Variants in CLDN14 observed in about 807,000 individuals in gnomAD.
CLDN14 encodes claudin 14, also known as claudin-14.
Under a neutral mutation model 2.1 loss-of-function variants are expected in CLDN14, and 2 were observed. The observed-to-expected ratio is 0.96, with a 90% confidence interval of 0.39 to 3.01. The LOEUF (loss-of-function observed/expected upper bound fraction) is 3.01. Ranked by LOEUF, CLDN14 falls within the 30% of genes most tolerant of loss-of-function variation. CLDN14 has a pLI of 0.09. For missense variants in CLDN14, 298 were observed against 328.0 expected, an observed-to-expected ratio of 0.91 and a Z score of 0.71; for synonymous variants, 136 against 154.4, an observed-to-expected ratio of 0.88 and a Z score of 0.88.
At chr21:36,463,081 G>C (rs887548012) in intron 1 of CLDN14, among the ~76,000 whole-genome samples, 3 of 152,142 alleles carry the variant, frequency 2.0e-5, no homozygotes, top group Non-Finnish European at 4.4e-5. Flanking sequence ...AAAAGGAAGG[G>C]AGTGGAAGTC....
At chr21:36,539,641 GGA>G (rs1255045950) in intron 1 of CLDN14, among the ~76,000 whole-genome samples, 1 of 147,510 alleles carries the variant, frequency 6.8e-6, no homozygotes, top group Non-Finnish European at 1.5e-5. Context: ...GAGTGTGTGC[GGA>G]GTGTGTGTGT....
At chr21:36,563,251 G>A (rs1489211230) in intron 1 of CLDN14, among the ~76,000 whole-genome samples, 2 of 152,254 alleles carry the variant, frequency 1.3e-5, no homozygotes, top group South Asian at 2.1e-4. Context: ...AGGTAATATG[G>A]GAAAAAGATT....
chr21:36,518,221 TCTAC>T (rs1184710376), intron 1 of CLDN14, among the ~76,000 whole-genome samples: 1 of 152,226 alleles, frequency 6.6e-6, no homozygotes, highest in Non-Finnish European at 1.5e-5. Context: ...CTTTGCAAAT[TCTAC>T]CTCTTTTTCA....
chr21:36,475,293 C>T (rs1207726009), intron 1 of CLDN14, among the ~76,000 whole-genome samples: 2 of 152,130 alleles, frequency 1.3e-5, no homozygotes, highest in Non-Finnish European at 2.9e-5. Context: ...CATGGCGGGC[C>T]GTGGCGTCAA....
In CLDN14 at chr21:36,552,417, C is replaced by T. The variant is rs572161699; in HGVS notation, c.-220+23994G>A. Among the ~76,000 whole-genome samples, 41 of 152,314 alleles carry T rather than the reference C, an allele frequency of 2.7e-4. No homozygotes were observed. In the South Asian group the frequency reaches 8.5e-3, roughly 32 times the overall value. ...AGCTGATGGCCATGTTGAGCGGGCA[C>T]ACTTAAGGACACTTAGGGGTTTATG... On this transcript the variant is annotated intron_variant, in intron 1 of 2. Coordinates refer to the CLDN14 transcript ENST00000342108.
chr21:36,542,043 T>C lies in CLDN14; in HGVS notation c.-219-31543A>G, dbSNP rs1382882652. Among the ~76,000 whole-genome samples, 3 of 152,126 alleles carry C rather than the reference T, an allele frequency of 2.0e-5. No individual in the cohort carries two copies. The South Asian group carries it at 6.2e-4, about 32-fold the overall frequency. On this transcript the variant is annotated intron_variant, in intron 1 of 2. Coordinates refer to the CLDN14 transcript ENST00000342108. ...TGTGATCTCCGCTCACTGCATCCTT[T>C]GCTTCCCAGGTTCAAGGGATTCTCC...
In CLDN14 at chr21:36,461,591, G is replaced by A. The variant is rs560763542; in HGVS notation, c.105C>T (p.His35=). 1.1e-4 allele frequency: 176 copies of A among 1,610,840 alleles called. 4 individuals are homozygous for A. The highest frequency in any genetic ancestry group is 1.1e-3 in the South Asian group (98 of 90,562). ...CGGCCGTGAGGATGTTGGTGCCCAC[G>A]TGCGCTGTCCTCCGCCAGTGCGGCA... is the stretch of plus-strand genomic sequence containing the variant. ...TILPHWRRTA[H]VGTNILTAVS... The change falls in exon 2 of 2, where the codon CAC becomes CAT. Residue 35 remains histidine (H), a synonymous_variant. Transcript: ENST00000399135.
intron 1 of CLDN14, among the ~76,000 whole-genome samples, chr21:36,561,092 T>C (rs8133667): frequency 0.027 from 4,063 of 152,298 alleles, 203 homozygotes; most frequent in African/African-American, 0.093. Context: ...TCAATTTTTG[T>C]ACCTTTTTCA....
chr21:36,463,104 C>G (rs2086600791), intron 1 of CLDN14, among the ~76,000 whole-genome samples: 1 of 152,192 alleles, frequency 6.6e-6, no homozygotes, highest in Non-Finnish European at 1.5e-5. Context: ...GAGTGGACCA[C>G]TAGCTTTTCT....
At chr21:36,481,370 C>T (rs1234285350), upstream of CLDN14, among the ~76,000 whole-genome samples, 1 of 152,166 alleles carries the variant, frequency 6.6e-6, no homozygotes, top group Non-Finnish European at 1.5e-5. Context: ...GGGGTACCAG[C>T]ATAATAGTAA....
intron 1 of CLDN14, among the ~76,000 whole-genome samples, chr21:36,516,882 C>G (rs1395516909): frequency 6.6e-6 from 1 of 152,008 alleles, no homozygotes; most frequent in Non-Finnish European, 1.5e-5. Context: ...ACTCTGTCAC[C>G]CAGGCTGGCT....
At chr21:36,467,391 C>T (rs568461526) in intron 1 of CLDN14, among the ~76,000 whole-genome samples, 1 of 152,272 alleles carries the variant, frequency 6.6e-6, no homozygotes, top group East Asian at 1.9e-4. Context: ...TGCGTCTTGA[C>T]TGCCTGGGGT....
intron 1 of CLDN14, among the ~76,000 whole-genome samples, chr21:36,526,777 C>T (rs756098595): frequency 1.4e-4 from 21 of 152,240 alleles, no homozygotes; most frequent in Non-Finnish European, 8.8e-5. Flanking sequence ...CATTAATCTT[C>T]CCTCCAGGCT....
At chr21:36,549,835 G>A (rs73902576) in intron 1 of CLDN14, among the ~76,000 whole-genome samples, 2,683 of 152,250 alleles carry the variant, frequency 0.018, 75 homozygotes, top group African/African-American at 0.06. Flanking sequence ...ACTCGCAATC[G>A]TCCCCTGGCC....
At chr21:36,532,969 G>A (rs1185221917) in intron 1 of CLDN14, among the ~76,000 whole-genome samples, 3 of 152,064 alleles carry the variant, frequency 2.0e-5, no homozygotes, top group Non-Finnish European at 4.4e-5. Context: ...TTTGAGTCAC[G>A]ACACCCCTGT....
intron 1 of CLDN14, among the ~76,000 whole-genome samples, chr21:36,540,517 G>T (rs1225061353): frequency 6.6e-6 from 1 of 152,180 alleles, no homozygotes; most frequent in African/African-American, 2.4e-5. Context: ...TTGAATGGTG[G>T]CCTTAACCTC....
intron 1 of CLDN14, among the ~76,000 whole-genome samples, chr21:36,571,498 C>T (rs929074366): frequency 4.6e-5 from 7 of 152,162 alleles, no homozygotes; most frequent in Admixed American, 3.3e-4. Context: ...CTTACGAAAT[C>T]CCAAGCGAAC....
upstream of CLDN14, among the ~76,000 whole-genome samples, chr21:36,481,718 T>C (rs578076852): frequency 4.6e-5 from 7 of 152,342 alleles, no homozygotes; most frequent in South Asian, 1.5e-3. Context: ...AGCCTGAAAA[T>C]TCCCTGACCT....
chr21:36,496,386 A>G (rs1038300622), intron 2 of CLDN14, among the ~76,000 whole-genome samples: 1 of 149,044 alleles, frequency 6.7e-6, no homozygotes, highest in African/African-American at 2.5e-5. Flanking sequence ...GCAGTGAGCC[A>G]TGATCACACC....
Sources: allele counts gnomAD v4.1 joint callset (sites outside exome capture counted in the v4.1 genomes callset), GRCh38; gene constraint gnomAD v4.1.1; transcripts MANE v1.5; gene names NCBI Gene and HGNC (gene_info 2026-07-23, HGNC 2026-07-21).